Variants in DRC9 observed in about 807,000 individuals in gnomAD.
DRC9 encodes the protein dynein regulatory complex subunit 9, also known as dynein regulatory complex protein 9.
chr3:197,929,889 C>T, the DRC9 span, among the ~76,000 whole-genome samples: 1 of 151,428 alleles, frequency 6.6e-6, no homozygotes, highest in Non-Finnish European at 1.5e-5. This position sits in a 1 kb window ranked among gnomAD's most constrained non-coding sequence, Gnocchi z 4.6. Context: ...GCGAGGCAGG[C>T]GGATGAACTC....
chr3:197,934,817 A>T, the DRC9 span, among the ~76,000 whole-genome samples: 1 of 113,386 alleles, frequency 8.8e-6, no homozygotes, highest in Non-Finnish European at 1.8e-5. Flanking sequence ...CCCATCTCAC[A>T]AAAATTAAAA....
chr3:197,944,870 C>T, the DRC9 span, among the ~76,000 whole-genome samples: 28 of 152,278 alleles, frequency 1.8e-4, no homozygotes, highest in Non-Finnish European at 3.5e-4. Flanking sequence ...CGTGAGCCAC[C>T]GCGCCTGGCC....
the DRC9 span, chr3:197,912,665 G>A: frequency 1.2e-5 from 19 of 1,608,762 alleles, 1 homozygote; most frequent in South Asian, 1.2e-4. Context: ...GAAAAGCTGT[G>A]GGGACCCACC....
chr3:197,924,667 G>C, the DRC9 span, among the ~76,000 whole-genome samples: 16 of 152,142 alleles, frequency 1.1e-4, no homozygotes, highest in Non-Finnish European at 2.2e-4. Flanking sequence ...CTACAGGTGC[G>C]CACCACCACA....
chr3:197,940,308 CATATAT>C, the DRC9 span, among the ~76,000 whole-genome samples: 1 of 146,340 alleles, frequency 6.8e-6, no homozygotes, highest in Non-Finnish European at 1.5e-5. Flanking sequence ...TAAAAATTTA[CATATAT>C]ATATATATAT....
At chr3:197,938,449 T>C in the DRC9 span, 164 of 815,394 alleles carry the variant, frequency 2.0e-4, no homozygotes, top group Middle Eastern at 6.9e-4. Flanking sequence ...TACACAGTAA[T>C]GACTAACCTG....
chr3:197,894,592 T>G, the DRC9 span: 1 of 152,176 alleles, frequency 6.6e-6, no homozygotes, highest in African/African-American at 2.4e-5. Context: ...ACACACAGAT[T>G]CGTGAAGCAT....
At chr3:197,892,742 C>T in the DRC9 span, 14 of 1,614,042 alleles carry the variant, frequency 8.7e-6, no homozygotes, top group African/African-American at 1.9e-4. Context: ...TCCAGAACTC[C>T]AGCCTCTCCT....
At chr3:197,929,345 T>C in the DRC9 span, among the ~76,000 whole-genome samples, 1 of 152,206 alleles carries the variant, frequency 6.6e-6, no homozygotes, top group Non-Finnish European at 1.5e-5. The surrounding 1 kb of genome is among the most constrained non-coding windows in gnomAD (Gnocchi z 4.6). Flanking sequence ...TACTTTTCTT[T>C]TCTGCCCAGC....
At chr3:197,895,974 C>CAA in the DRC9 span, among the ~76,000 whole-genome samples, 1,256 of 58,930 alleles carry the variant, frequency 0.021, 42 homozygotes, top group African/African-American at 0.067. Context: ...GACCCTGTCT[C>CAA]AAAAAAAAAA....
At chr3:197,935,458 G>A in the DRC9 span, among the ~76,000 whole-genome samples, 85 of 146,572 alleles carry the variant, frequency 5.8e-4, no homozygotes, top group African/African-American at 1.6e-3. Flanking sequence ...AAAAAGAAAA[G>A]AAAAGTAAAT....
chr3:197,954,564 C>T, the DRC9 span: 5 of 301,068 alleles, frequency 1.7e-5, no homozygotes, highest in Admixed American at 2.0e-4. Flanking sequence ...GGCTGGAGTG[C>T]AGTGGCATGA....
At chr3:197,952,575 A>ATCTCTGCTTCCCGGGTTCAAGCGAT in the DRC9 span, 1 of 151,618 alleles carries the variant, frequency 6.6e-6, no homozygotes, top group Non-Finnish European at 1.5e-5. Flanking sequence ...GCTCACTGTA[A>ATCTCTGCTTCCCGGGTTCAAGCGAT]TCTCTGCTTC....
chr3:197,949,968 G>T, the DRC9 span: 2 of 465,474 alleles, frequency 4.3e-6, no homozygotes, highest in South Asian at 1.1e-4. Context: ...GGATTTAGCT[G>T]GCTACCATTT....
chr3:197,912,937 G>C, the DRC9 span: 3 of 600,918 alleles, frequency 5.0e-6, no homozygotes, highest in Non-Finnish European at 8.9e-6. Flanking sequence ...TGTGTGGACT[G>C]CGTGTGTCCC....
At chr3:197,955,605 G>A in the DRC9 span, 22 of 745,870 alleles carry the variant, frequency 2.9e-5, no homozygotes, top group African/African-American at 1.9e-4. Context: ...GTATGTTCAC[G>A]TAGAGACTGA....
chr3:197,912,002 G>T, the DRC9 span, among the ~76,000 whole-genome samples: 1 of 151,588 alleles, frequency 6.6e-6, no homozygotes, highest in East Asian at 1.9e-4. Flanking sequence ...TTTAAATATA[G>T]TCATAATTTA....
chr3:197,933,441 C>CA, the DRC9 span, among the ~76,000 whole-genome samples: 1 of 150,918 alleles, frequency 6.6e-6, no homozygotes, highest in African/African-American at 2.4e-5. Context: ...ACTCTTGTCT[C>CA]AAAAAAACAC....
At chr3:197,913,292 C>G in the DRC9 span, 1 of 182,580 alleles carries the variant, frequency 5.5e-6, no homozygotes, top group African/African-American at 2.4e-5. Context: ...GCCTCACCTC[C>G]GATTAGCTGG....
Sources: allele counts gnomAD v4.1 joint callset (sites outside exome capture counted in the v4.1 genomes callset), GRCh38; gene constraint gnomAD v4.1.1; non-coding constraint Gnocchi (gnomAD v3.1); transcripts MANE v1.5; gene names NCBI Gene and HGNC (gene_info 2026-07-23, HGNC 2026-07-21).